Variants in AP2A1 observed in about 807,000 individuals in gnomAD.
The protein encoded by AP2A1 is AP-2 complex subunit alpha-1.
In AP2A1, 21 loss-of-function variants were observed where a neutral mutation model predicts 107.3. That is an observed-to-expected ratio of 0.20 (90% CI 0.14 to 0.28). AP2A1 has a LOEUF of 0.28. AP2A1 is among the 10% of genes least tolerant of loss of function. The pLI, the probability that AP2A1 is intolerant of heterozygous loss-of-function variation, is 1.00. For synonymous variants in AP2A1, 602 were observed against 564.8 expected, an observed-to-expected ratio of 1.07 and a Z score of -0.93; for missense variants, 873 against 1,307.7, an observed-to-expected ratio of 0.67 and a Z score of 5.13.
chr19:49,802,194 C>T, intron 15 of AP2A1, 53 bp downstream of exon 15: 2 of 1,438,656 alleles, frequency 1.4e-6, no homozygotes, highest in South Asian at 1.2e-5. Context: ...AGGGCTGTCC[C>T]TTCTCGGCCT....
intron 1 of AP2A1, among the ~76,000 whole-genome samples, chr19:49,769,263 A>G (rs1008675219): frequency 2.6e-5 from 4 of 152,068 alleles, no homozygotes; most frequent in African/African-American, 9.7e-5. Flanking sequence ...AAAAATAAAA[A>G]AAAAGAAAAA....
At chr19:49,780,584 G>C (rs763915435) in intron 1 of AP2A1, among the ~76,000 whole-genome samples, 4 of 152,168 alleles carry the variant, frequency 2.6e-5, no homozygotes, top group African/African-American at 4.8e-5. Context: ...GCATCACAGA[G>C]CCCAGGATAT....
intron 6 of AP2A1, among the ~76,000 whole-genome samples, chr19:49,794,725 T>C (rs2073190046): frequency 6.6e-6 from 1 of 152,060 alleles, no homozygotes; most frequent in African/African-American, 2.4e-5. Context: ...TGCAATGGCG[T>C]GATCTTGGCT....
chr19:49,796,033 T>C, intron 7 of AP2A1: 1 of 344,190 alleles, frequency 2.9e-6, no homozygotes, highest in African/African-American at 2.1e-5. Context: ...GTTTTATAGA[T>C]GAGGAATCTG....
At position 49,787,876 on chromosome 19, in the gene AP2A1, A is replaced by G. The variant is rs75777714; in HGVS notation, c.474-4059A>G. Among the ~76,000 whole-genome samples the G allele has an allele frequency of 5.9e-3, 903 of 152,322 alleles. 5 individuals are homozygous for G. The highest frequency in any genetic ancestry group is 0.02 in the African/African-American group (829 of 41,568). On this transcript the variant is annotated intron_variant, in intron 4 of 22. Transcript: ENST00000354293. ...ACATTTCATAGAAATGGAACCGCACAGTAGGTGGCCTTCTGTGTCTGGCTT... is the reference window on the plus strand; with the variant it reads ...ACATTTCATAGAAATGGAACCGCACGGTAGGTGGCCTTCTGTGTCTGGCTT...
chr19:49,772,643 C>A (rs1400200935), intron 1 of AP2A1, among the ~76,000 whole-genome samples: 1 of 151,830 alleles, frequency 6.6e-6, no homozygotes, highest in Non-Finnish European at 1.5e-5. Flanking sequence ...CTACAGGCGC[C>A]CGCCAACACG....
At chr19:49,769,981 G>T (rs1429619098) in intron 1 of AP2A1, among the ~76,000 whole-genome samples, 1 of 152,080 alleles carries the variant, frequency 6.6e-6, no homozygotes, top group East Asian at 1.9e-4. Context: ...CAATTCTCGT[G>T]CCTCAGCCTC....
chr19:49,802,928 C>T (rs375972097), intron 15 of AP2A1, 21 bp from the exon 16 acceptor site: 2 of 1,610,260 alleles, frequency 1.2e-6, no homozygotes, highest in South Asian at 1.1e-5. Context: ...CTTCCCATCT[C>T]ACTCTGCTCC....
rs1442610175 is a variant in AP2A1, at chr19:49,788,680, T to C, written c.474-3255T>C. The stretch of plus-strand genomic sequence containing the variant: ...GAGCGCCATGACAGAGATGGGAAGG[T>C]GGCCCAGAGTCAGGGCTCGGGAGAT... On this transcript the variant is annotated intron_variant, in intron 4 of 22. Coordinates refer to ENST00000354293, the MANE Select transcript of AP2A1 (RefSeq NM_130787.3). The surrounding 1 kb of genome is among the most constrained non-coding windows in gnomAD (Gnocchi z 4.5). Among the ~76,000 whole-genome samples the C allele has an allele frequency of 7.0e-6, 1 of 143,148 alleles. No individual in the cohort carries two copies. Among genetic ancestry groups the C allele is most frequent in the African/African-American group, 2.7e-5 (1 of 37,622 alleles). 93.9% of individuals were successfully genotyped at this position (143,148 alleles called of 152,430 possible).
At chr19:49,770,879 TCTCA>T (rs1274487285) in intron 1 of AP2A1, among the ~76,000 whole-genome samples, 4 of 151,882 alleles carry the variant, frequency 2.6e-5, no homozygotes, top group African/African-American at 9.7e-5. Context: ...TGAGATGGAG[TCTCA>T]CTCTGTCGCC....
At chr19:49,792,940 C>A in intron 5 of AP2A1, 51 bp from the exon 6 acceptor site, 1 of 1,489,330 alleles carries the variant, frequency 6.7e-7, no homozygotes, top group Non-Finnish European at 9.2e-7. Flanking sequence ...CCTCTGCTCT[C>A]AGGTACCACC....
At position 49,795,705 on chromosome 19, in the gene AP2A1, C is replaced by G. The variant is rs1267117077; in HGVS notation, c.781C>G (p.Leu261Val). The G allele has an allele frequency of 1.9e-6, 3 of 1,563,966 alleles. No individual in the cohort carries two copies. Among genetic ancestry groups the G allele is most frequent in the Non-Finnish European group, 2.6e-6 (3 of 1,155,212 alleles). ...FVPAPWLSVK[L>V]LRLLQCYPPP... ...CCCAGCACCCTGGCTCTCGGTGAAG[C>G]TCCTGCGGCTGCTGCAGTGCTACCC... The change falls in exon 7 of 23, where the codon CTC (leucine) becomes GTC (valine). Residue 261 changes from leucine (L) to valine (V), a missense_variant. Coordinates refer to ENST00000354293, the MANE Select transcript of AP2A1 (RefSeq NM_130787.3).
intron 4 of AP2A1, among the ~76,000 whole-genome samples, chr19:49,784,446 AAAAG>A (rs1207766649): frequency 2.0e-5 from 3 of 152,144 alleles, no homozygotes; most frequent in East Asian, 3.8e-4. Context: ...AAAAAAAAGA[AAAAG>A]AAAACAGAAA....
intron 1 of AP2A1, among the ~76,000 whole-genome samples, chr19:49,775,139 G>A (rs778399369): frequency 3.2e-4 from 49 of 151,160 alleles, no homozygotes; most frequent in Non-Finnish European, 5.5e-4. Flanking sequence ...GAGATGGGAC[G>A]ATCGCTTGAG....
At chr19:49,799,071 G>A in intron 8 of AP2A1, 119 bp downstream of exon 8, 4 of 1,380,724 alleles carry the variant, frequency 2.9e-6, no homozygotes, top group Non-Finnish European at 3.9e-6. Context: ...TAGGGTAGGA[G>A]GAGGATGGGG....
At chr19:49,783,771 C>T (rs376172594) in intron 4 of AP2A1, among the ~76,000 whole-genome samples, 3 of 152,244 alleles carry the variant, frequency 2.0e-5, no homozygotes, top group South Asian at 2.1e-4. Flanking sequence ...AAAGCTTGTC[C>T]GAGAAGTTCT....
rs992825022 is a variant in AP2A1 at position 49,802,850 on chromosome 19, G to A, written c.2115-99G>A. On this transcript the variant is annotated intron_variant, in intron 15 of 22. Coordinates refer to ENST00000354293, the MANE Select transcript of AP2A1 (RefSeq NM_130787.3). ...TGAGGGGTCTGGATATGTGGTTCTG[G>A]GGTTCTGTCCTTAGGGCTTGTTCTC... 58 of 1,378,574 alleles carry A rather than the reference G, an allele frequency of 4.2e-5. 1 individual carries two copies. The South Asian group carries it at 4.7e-4, about 11-fold the overall frequency. The allele number at this position is 1,378,574 out of a possible 1,614,324, so 85.4% of individuals were successfully genotyped here. A position where few individuals can be genotyped will look rare whatever the true frequency, so the allele number is the denominator to read the frequency against.
At position 49,798,911 on chromosome 19, in the gene AP2A1, C is replaced by T. The variant is rs752111360; in HGVS notation, c.924C>T (p.Ala308=). The part of the protein sequence containing the change: ...KKVQHSNAKN[A]ILFETISLII... ...TGCAGCATTCCAACGCCAAGAACGC[C>T]ATCCTCTTCGAGACCATCAGCCTCA... is the stretch of plus-strand genomic sequence containing the variant. Residue 308 remains alanine, a synonymous_variant, in exon 8 of 23, where the codon GCC becomes GCT. Coordinates refer to ENST00000354293, the MANE Select transcript of AP2A1 (RefSeq NM_130787.3). 29 of 1,558,972 alleles carry T rather than the reference C, an allele frequency of 1.9e-5. No individual in the cohort carries two copies. The East Asian group carries it at 6.8e-4, about 36-fold the overall frequency.
intron 1 of AP2A1, 53 bp from the exon 2 acceptor site, chr19:49,781,704 A>G: frequency 6.6e-7 from 1 of 1,523,664 alleles, no homozygotes; most frequent in Admixed American, 2.0e-5. Flanking sequence ...AAGAGAGGGC[A>G]GGTGGCTGAC....
Sources: allele counts gnomAD v4.1 joint callset (sites outside exome capture counted in the v4.1 genomes callset), GRCh38; gene constraint gnomAD v4.1.1; non-coding constraint Gnocchi (gnomAD v3.1); transcripts MANE v1.5; gene names NCBI Gene and HGNC (gene_info 2026-07-23, HGNC 2026-07-21).